The following TAFA2 variants were observed in gnomAD, a reference collection of about 807,000 sequenced individuals.
The protein encoded by TAFA2 is TAFA chemokine like family member 2, also known as chemokine-like protein TAFA-2.
TAFA2 carries 7 observed loss-of-function variants against 18.8 expected under a neutral mutation model. That is an observed-to-expected ratio of 0.37 (90% CI 0.21 to 0.70). TAFA2 has a LOEUF of 0.70. TAFA2 is among the 30% of genes least tolerant of loss of function. TAFA2 has a pLI of 0.53. For synonymous variants in TAFA2, 60 were observed against 54.2 expected (o/e 1.11, Z -0.47); for missense variants, 122 against 158.1 (o/e 0.77, Z 1.23).
chr12:61,845,496 T>A (rs1197616129), intron 2 of TAFA2, among the ~76,000 whole-genome samples: 1 of 152,182 alleles, frequency 6.6e-6, no homozygotes, highest in African/African-American at 2.4e-5. Flanking sequence ...CTTGAAACAT[T>A]GCATCATGGA....
At chr12:61,794,703 T>C (rs924719574) in intron 2 of TAFA2, among the ~76,000 whole-genome samples, 1 of 151,732 alleles carries the variant, frequency 6.6e-6, no homozygotes, top group Admixed American at 6.6e-5. Context: ...GCAAAGGACA[T>C]AAAATGCCCC....
chr12:61,776,962 C>T (rs929606155), intron 2 of TAFA2, among the ~76,000 whole-genome samples: 1 of 151,748 alleles, frequency 6.6e-6, no homozygotes, highest in Non-Finnish European at 1.5e-5. Flanking sequence ...GGGGAAAAAA[C>T]GTAAGACATA....
intron 4 of TAFA2, among the ~76,000 whole-genome samples, chr12:61,732,661 G>A (rs1280882910): frequency 6.6e-6 from 1 of 151,900 alleles, no homozygotes; most frequent in African/African-American, 2.4e-5. Flanking sequence ...TTTGGGGAGA[G>A]ACAAGGAGGT....
At chr12:61,790,863 T>C (rs1870947504) in intron 2 of TAFA2, among the ~76,000 whole-genome samples, 1 of 151,446 alleles carries the variant, frequency 6.6e-6, no homozygotes, top group Non-Finnish European at 1.5e-5. Context: ...AAGAAAAAAA[T>C]ACTAAAATTT....
intron 2 of TAFA2, among the ~76,000 whole-genome samples, chr12:61,815,859 A>G (rs1294242999): frequency 6.6e-6 from 1 of 151,260 alleles, no homozygotes; most frequent in Non-Finnish European, 1.5e-5. Context: ...AGCTGGGCAT[A>G]CAACAGTGAA....
intron 4 of TAFA2, among the ~76,000 whole-genome samples, chr12:61,714,153 T>C (rs1204625709): frequency 6.6e-6 from 1 of 152,142 alleles, no homozygotes; most frequent in African/African-American, 2.4e-5. Context: ...CTGAGGGCAA[T>C]AGATATAAAA....
intron 1 of TAFA2, among the ~76,000 whole-genome samples, chr12:62,225,642 GA>G (rs970042249): frequency 3.0e-4 from 45 of 150,992 alleles, no homozygotes; most frequent in African/African-American, 8.7e-4. Flanking sequence ...CAATATTAAA[GA>G]AAAAAAATGG....
intron 2 of TAFA2, among the ~76,000 whole-genome samples, chr12:61,785,411 C>T (rs1249312337): frequency 6.8e-6 from 1 of 148,012 alleles, no homozygotes; most frequent in Non-Finnish European, 1.5e-5. Flanking sequence ...TGTTAGACAC[C>T]TAAGTTGTTT....
intron 1 of TAFA2, among the ~76,000 whole-genome samples, chr12:62,068,901 C>G (rs893619286): frequency 2.0e-5 from 3 of 152,022 alleles, no homozygotes; most frequent in Admixed American, 2.0e-4. Flanking sequence ...TCAGTGTTAC[C>G]AACATCAATG....
intron 1 of TAFA2, among the ~76,000 whole-genome samples, chr12:62,034,199 C>T (rs912686020): frequency 5.9e-5 from 9 of 152,108 alleles, no homozygotes; most frequent in Admixed American, 3.9e-4. Flanking sequence ...ACACAGACCA[C>T]GTGTGTTTTA....
chr12:61,729,909 G>T (rs1246016018), intron 4 of TAFA2, among the ~76,000 whole-genome samples: 1 of 152,050 alleles, frequency 6.6e-6, no homozygotes, highest in Non-Finnish European at 1.5e-5. Flanking sequence ...TTTATCCCAT[G>T]GGGTGATCCC....
chr12:62,183,462 C>T (rs1403226678), intron 1 of TAFA2, among the ~76,000 whole-genome samples: 1 of 152,196 alleles, frequency 6.6e-6, no homozygotes, highest in African/African-American at 2.4e-5. Context: ...CAGCTCACTG[C>T]AGCCTCAACC....
chr12:61,988,034 T>C (rs959414730), intron 1 of TAFA2, among the ~76,000 whole-genome samples: 1 of 152,124 alleles, frequency 6.6e-6, no homozygotes, highest in Non-Finnish European at 1.5e-5. Context: ...TGCTGATGGA[T>C]ACAGTGGATA....
chr12:62,046,883 C>A (rs538783380), intron 1 of TAFA2, among the ~76,000 whole-genome samples: 1 of 151,854 alleles, frequency 6.6e-6, no homozygotes, highest in East Asian at 1.9e-4. Flanking sequence ...TAAAGTATAC[C>A]TTTATTTTTT....
chr12:62,184,502 C>CTTTTTTTT (rs10526118), intron 1 of TAFA2, among the ~76,000 whole-genome samples: 3 of 106,168 alleles, frequency 2.8e-5, no homozygotes, highest in African/African-American at 3.7e-5. Context: ...AAAAAAAATT[C>CTTTTTTTT]TTTTTTTTTT....
intron 2 of TAFA2, 104 bp from the exon 3 acceptor site, chr12:61,755,128 C>T (rs1869204690): frequency 2.0e-6 from 2 of 1,006,816 alleles, no homozygotes; most frequent in Admixed American, 2.6e-5. Flanking sequence ...TATAAGGGGT[C>T]CACCAGGCAT....
At chr12:61,929,855 G>A (rs935052140) in intron 1 of TAFA2, among the ~76,000 whole-genome samples, 10 of 152,042 alleles carry the variant, frequency 6.6e-5, no homozygotes, top group Non-Finnish European at 8.8e-5. Flanking sequence ...GTCCTTTGTA[G>A]GGACATGGAT....
At chr12:62,170,887 G>C (rs748869165) in intron 1 of TAFA2, among the ~76,000 whole-genome samples, 6 of 152,166 alleles carry the variant, frequency 3.9e-5, no homozygotes, top group Non-Finnish European at 2.9e-5. Context: ...TTGGCCGTTG[G>C]CTTATTGTTA....
intron 1 of TAFA2, chr12:61,878,287 C>T (rs1218114973): frequency 7.0e-6 from 2 of 287,516 alleles, no homozygotes; most frequent in African/African-American, 4.5e-5. Context: ...CAAAAAATGG[C>T]TACAATGGTA....
Sources: allele counts gnomAD v4.1 joint callset (sites outside exome capture counted in the v4.1 genomes callset), GRCh38; gene constraint gnomAD v4.1.1; transcripts MANE v1.5; gene names NCBI Gene and HGNC (gene_info 2026-07-23, HGNC 2026-07-21).